PLA2G4A: variants seen among roughly 807,000 people sequenced by gnomAD.
PLA2G4A encodes phospholipase A2 group IVA, also known as cytosolic phospholipase A2.
PLA2G4A carries 40 observed loss-of-function variants against 81.9 expected under a neutral mutation model. The ratio of observed to expected loss-of-function variants is 0.49; its 90% confidence interval spans 0.38 to 0.64. The LOEUF is 0.64. Ranked by LOEUF, PLA2G4A falls within the 30% of genes least tolerant of loss-of-function variation. The pLI, the probability that PLA2G4A is intolerant of heterozygous loss-of-function variation, is 0.00. For synonymous variants in PLA2G4A, 302 were observed against 296.9 expected (o/e 1.02, Z -0.18); for missense variants, 715 against 905.1 (o/e 0.79, Z 2.69).
intron 14 of PLA2G4A, 58 bp from the exon 15 acceptor site, chr1:186,965,351 G>T (rs1193537392): frequency 3.2e-6 from 4 of 1,265,956 alleles, no homozygotes; most frequent in African/African-American, 1.5e-5. Context: ...ATTTTTAGAT[G>T]ATAAATACTG....
At chr1:186,962,477 G>GTTATT (rs577596426) in intron 14 of PLA2G4A, among the ~76,000 whole-genome samples, 1,725 of 138,338 alleles carry the variant, frequency 0.012, 30 homozygotes, top group African/African-American at 0.041. Flanking sequence ...ATACTTTGTA[G>GTTATT]TTATTTTATT....
At chr1:186,982,895 G>A (rs1369611569) in intron 17 of PLA2G4A, among the ~76,000 whole-genome samples, 2 of 151,946 alleles carry the variant, frequency 1.3e-5, no homozygotes, top group African/African-American at 4.8e-5. Context: ...CGGCTAACAC[G>A]GTGAAACCCC....
intron 3 of PLA2G4A, among the ~76,000 whole-genome samples, chr1:186,882,272 G>A (rs1238333102): frequency 6.6e-6 from 1 of 152,130 alleles, no homozygotes; most frequent in Non-Finnish European, 1.5e-5. Flanking sequence ...TAGTTGACTA[G>A]GGAAGTGGGG....
chr1:186,834,379 G>A (rs979320178), intron 1 of PLA2G4A, among the ~76,000 whole-genome samples: 6 of 151,594 alleles, frequency 4.0e-5, no homozygotes, highest in South Asian at 2.1e-4. Context: ...AAAGTCAAAC[G>A]TTTTTTTCTT....
At chr1:186,960,240 C>A (rs774516195) in intron 14 of PLA2G4A, among the ~76,000 whole-genome samples, 1 of 152,100 alleles carries the variant, frequency 6.6e-6, no homozygotes, top group Non-Finnish European at 1.5e-5. Flanking sequence ...CTGTGACACA[C>A]CATCTGGAAA....
chr1:186,905,107 G>C (rs1040609789), intron 5 of PLA2G4A, among the ~76,000 whole-genome samples: 4 of 152,068 alleles, frequency 2.6e-5, no homozygotes, highest in Admixed American at 2.6e-4. Context: ...CACCTGCCTT[G>C]GTCTCCCAAA....
chr1:186,947,087 T>A, intron 12 of PLA2G4A, 126 bp downstream of exon 12: 2 of 650,090 alleles, frequency 3.1e-6, no homozygotes, highest in Non-Finnish European at 5.4e-6. Context: ...AATAATTTGG[T>A]TGAATCAATC....
intron 7 of PLA2G4A, among the ~76,000 whole-genome samples, chr1:186,932,301 T>C (rs574937944): frequency 6.6e-6 from 1 of 151,082 alleles, no homozygotes; most frequent in African/African-American, 2.4e-5. Context: ...TTTCTTTTTT[T>C]TTTTTTCTTT....
intron 5 of PLA2G4A, among the ~76,000 whole-genome samples, chr1:186,902,732 A>G (rs968778453): frequency 6.6e-6 from 1 of 151,948 alleles, no homozygotes; most frequent in African/African-American, 2.4e-5. Flanking sequence ...CCTGCCCACA[A>G]GAGAACAATC....
intron 15 of PLA2G4A, among the ~76,000 whole-genome samples, chr1:186,971,017 A>G (rs1211277722): frequency 6.6e-6 from 1 of 151,770 alleles, no homozygotes; most frequent in Non-Finnish European, 1.5e-5. Flanking sequence ...CTTGAAATTC[A>G]TTCTTACCAA....
In PLA2G4A at chr1:186,894,221, A is replaced by G. The variant is rs1313569705; in HGVS notation, c.378+10A>G. On this transcript the variant is annotated intron_variant, in intron 5 of 17. Coordinates refer to ENST00000367466, the MANE Select transcript of PLA2G4A (RefSeq NM_024420.3). ...TTTTATTTTCAACCAAGTAAGTAAC[A>G]CTGCAGAATTATATTCCAACCTTAT... The G allele has an allele frequency of 3.2e-6, 3 of 927,550 alleles. No homozygotes were observed. The highest frequency in any genetic ancestry group is 1.7e-5 in the Admixed American group (1 of 58,584). 57.5% of individuals were successfully genotyped at this position (927,550 alleles called of 1,614,324 possible). A position where few individuals can be genotyped will look rare whatever the true frequency, so the allele number is the denominator to read the frequency against.
intron 2 of PLA2G4A, among the ~76,000 whole-genome samples, chr1:186,865,033 C>A (rs1652974452): frequency 6.6e-6 from 1 of 150,656 alleles, no homozygotes; most frequent in African/African-American, 2.4e-5. Context: ...ATCCACTGAA[C>A]TCTAGCCTGG....
chr1:186,911,351 G>C lies in PLA2G4A; in HGVS notation c.520G>C (p.Gly174Arg), dbSNP rs751339078. Residue 174 changes from glycine to arginine, a missense_variant, in exon 7 of 18, where the codon GGT (glycine) becomes CGT (arginine). Transcript: ENST00000367466. ...AAGGGAGAGCATGAAGAAACTCTTG[G>C]GTCCAAAGAATAGTGAAGGATTGCA... Reference protein sequence around the residue: ...HIRESMKKLLGPKNSEGLHSA... With the variant: ...HIRESMKKLLRPKNSEGLHSA... 3.1e-6 allele frequency: 5 copies of C among 1,611,776 alleles called. No individual in the cohort carries two copies. Among genetic ancestry groups the C allele is most frequent in the Non-Finnish European group, 3.4e-6 (4 of 1,177,888 alleles).
At chr1:186,861,664 T>C (rs1652808335) in intron 2 of PLA2G4A, among the ~76,000 whole-genome samples, 1 of 152,132 alleles carries the variant, frequency 6.6e-6, no homozygotes, top group Non-Finnish European at 1.5e-5. Flanking sequence ...TTATAGGAGT[T>C]CCACAGATGC....
intron 3 of PLA2G4A, among the ~76,000 whole-genome samples, chr1:186,872,365 A>C (rs1205786346): frequency 1.3e-5 from 2 of 152,136 alleles, no homozygotes; most frequent in East Asian, 3.9e-4. Flanking sequence ...TGCGTTTTAC[A>C]ACCAAAGAGG....
intron 12 of PLA2G4A, among the ~76,000 whole-genome samples, chr1:186,948,179 T>C (rs569994087): frequency 6.6e-6 from 1 of 152,298 alleles, no homozygotes; most frequent in South Asian, 2.1e-4. Flanking sequence ...TAGTTCTTAA[T>C]GAATAATGGA....
chr1:186,958,712 A>C (rs892410004), intron 14 of PLA2G4A, among the ~76,000 whole-genome samples: 1 of 152,078 alleles, frequency 6.6e-6, no homozygotes, highest in African/African-American at 2.4e-5. Flanking sequence ...TTCTTTGTGT[A>C]TACTTTATTC....
chr1:186,905,182 G>A (rs1977064), intron 5 of PLA2G4A, among the ~76,000 whole-genome samples: 56,633 of 152,074 alleles, frequency 0.37, 12,391 homozygotes, highest in Non-Finnish European at 0.49. Flanking sequence ...TTAATAAATT[G>A]CTTGGAGACC....
intron 6 of PLA2G4A, among the ~76,000 whole-genome samples, chr1:186,908,544 A>G (rs1475846774): frequency 2.0e-5 from 3 of 152,212 alleles, no homozygotes; most frequent in East Asian, 1.9e-4. Flanking sequence ...CTTTCTAAAG[A>G]GTACATATAC....
Sources: gnomAD v4.1 joint callset for allele counts (sites outside exome capture counted in the v4.1 genomes callset) on GRCh38, gnomAD v4.1.1 for gene constraint, MANE v1.5 for transcripts, NCBI Gene and HGNC (gene_info 2026-07-23, HGNC 2026-07-21) for gene names.